ADH1C: variants seen among roughly 807,000 people sequenced by gnomAD.
ADH1C encodes alcohol dehydrogenase 1C.
In ADH1C, 26 loss-of-function variants were observed where a neutral mutation model predicts 35.0. The ratio of observed to expected loss-of-function variants is 0.74; its 90% CI spans 0.54 to 1.03. ADH1C has a LOEUF of 1.03. ADH1C is among the 50% of genes least tolerant of loss of function. The pLI is 0.00. For missense variants in ADH1C, 413 were observed against 465.4 expected, an observed-to-expected ratio of 0.89 and a Z score of 1.04; for synonymous variants, 170 against 169.3, an observed-to-expected ratio of 1.00 and a Z score of -0.03.
Position 99,350,496 on chromosome 4 carries a change from GT to G in ADH1C, c.18+2161del. Among the ~76,000 whole-genome samples the G allele has an allele frequency of 2.0e-5, 3 of 152,108 alleles. No homozygotes were observed. In the South Asian group the frequency reaches 6.2e-4, roughly 32 times the overall value. On this transcript the variant is annotated intron_variant, in intron 1 of 8. Transcript: ENST00000515683. ...TATAAGTGAGACCATATGGTATTTG[GT>G]TTTCCATTCCTGAGTTACTTCACTT...
At chr4:99,352,143 A>C (rs1392404894) in intron 1 of ADH1C, among the ~76,000 whole-genome samples, 4 of 152,162 alleles carry the variant, frequency 2.6e-5, no homozygotes, top group Non-Finnish European at 5.9e-5. Flanking sequence ...ATTTTGTAAG[A>C]TATTTTATAG....
chr4:99,339,772 GAGA>G (rs1368499019), intron 7 of ADH1C, 57 bp from the exon 8 acceptor site: 23 of 1,518,482 alleles, frequency 1.5e-5, no homozygotes, highest in Non-Finnish European at 2.0e-5. Flanking sequence ...GAGAATTGAA[GAGA>G]AGATTTTCCA....
intron 5 of ADH1C, 127 bp from the exon 6 acceptor site, chr4:99,343,182 A>T: frequency 5.1e-6 from 7 of 1,382,940 alleles, no homozygotes; most frequent in Non-Finnish European, 6.8e-6. Flanking sequence ...TCTGTTATCG[A>T]AACCTGTTTT....
rs777659521 is a variant in ADH1C, at chr4:99,340,555, T to C, written c.964+20A>G. 2 of 1,613,710 alleles carry C rather than the reference T, an allele frequency of 1.2e-6. No homozygotes were observed. Among genetic ancestry groups the C allele is most frequent in the Non-Finnish European group, 1.7e-6 (2 of 1,179,798 alleles). ...ATTCTTAGGTTAATGAGAATTTGGC[T>C]CTGAAGCCTAACTACATACCTCCAA... On this transcript the variant is annotated intron_variant, in intron 7 of 8. Transcript: ENST00000515683.
At chr4:99,347,608 C>G in intron 2 of ADH1C, 137 bp downstream of exon 2, 1 of 894,888 alleles carries the variant, frequency 1.1e-6, no homozygotes, top group Non-Finnish European at 1.6e-6. Context: ...TTTATACTTT[C>G]CTTGACAACA....
chr4:99,350,598 C>T (rs911483042), intron 1 of ADH1C, among the ~76,000 whole-genome samples: 5 of 152,198 alleles, frequency 3.3e-5, no homozygotes, highest in Non-Finnish European at 7.3e-5. Context: ...TGAGTAGTAT[C>T]TCATGGTGTA....
At chr4:99,342,716 A>G (rs1339738672) in intron 6 of ADH1C, 79 bp downstream of exon 6, 24 of 1,571,732 alleles carry the variant, frequency 1.5e-5, no homozygotes, top group South Asian at 3.5e-5. Flanking sequence ...TCCTTTATAC[A>G]TAATACGTAT....
At chr4:99,351,235 G>C (rs1317687471) in intron 1 of ADH1C, 1 of 152,110 alleles carries the variant, frequency 6.6e-6, no homozygotes, top group Non-Finnish European at 1.5e-5. Context: ...AATAACAGTG[G>C]CTAATATTTA....
chr4:99,349,371 T>A (rs1459942692), intron 1 of ADH1C, among the ~76,000 whole-genome samples: 1 of 152,146 alleles, frequency 6.6e-6, no homozygotes, highest in Admixed American at 6.5e-5. Flanking sequence ...CCAGCACCAT[T>A]TATTCTTTTG....
chr4:99,352,404 T>C (rs893990210), intron 1 of ADH1C, among the ~76,000 whole-genome samples: 14 of 152,140 alleles, frequency 9.2e-5, no homozygotes, highest in Non-Finnish European at 1.8e-4. Context: ...TAGATACAGA[T>C]TCTATATATT....
chr4:99,338,010 G>A (rs905466650), intron 8 of ADH1C, among the ~76,000 whole-genome samples: 1 of 151,710 alleles, frequency 6.6e-6, no homozygotes, highest in African/African-American at 2.4e-5. Context: ...TATTTCTATA[G>A]AATAGATTTC....
At position 99,336,577 on chromosome 4, in the gene ADH1C, C is replaced by T; in HGVS notation, c.*175G>A. On this transcript the variant is annotated 3_prime_UTR_variant, in exon 9 of 9. Transcript: ENST00000515683. Reference sequence around the variant, plus strand: ...ATTTAGTTCTCATTTGGATTTTAAACATTTGCTTGACAAATAATTTCCCAT... The same window carrying T: ...ATTTAGTTCTCATTTGGATTTTAAATATTTGCTTGACAAATAATTTCCCAT... The T allele has an allele frequency of 1.2e-6, 1 of 817,450 alleles. No homozygotes were observed. 50.6% of individuals were successfully genotyped at this position (817,450 alleles called of 1,614,324 possible).
chr4:99,343,085 TA>T, intron 5 of ADH1C, 30 bp from the exon 6 acceptor site: 1 of 1,604,904 alleles, frequency 6.2e-7, no homozygotes, highest in Non-Finnish European at 8.5e-7. Flanking sequence ...AAAAATGAAT[TA>T]AATAATGTTT....
intron 3 of ADH1C, among the ~76,000 whole-genome samples, 153 bp from the exon 4 acceptor site, chr4:99,345,419 C>A (rs1324691619): frequency 6.6e-6 from 1 of 152,142 alleles, no homozygotes; most frequent in African/African-American, 2.4e-5. Context: ...TCATTGCCTG[C>A]CAAGGCATTG....
intron 1 of ADH1C, among the ~76,000 whole-genome samples, chr4:99,352,205 TTG>T (rs1734693174): frequency 7.5e-6 from 1 of 132,764 alleles, no homozygotes; most frequent in African/African-American, 2.5e-5. Context: ...CATAAAAGTT[TTG>T]TCAGACTTCT....
At chr4:99,344,431 T>A (rs1734481775) in intron 5 of ADH1C, among the ~76,000 whole-genome samples, 3 of 152,310 alleles carry the variant, frequency 2.0e-5, no homozygotes, top group African/African-American at 7.2e-5. Flanking sequence ...CTACTGTTGA[T>A]CCTAATTCTG....
intron 7 of ADH1C, 147 bp downstream of exon 7, chr4:99,340,424 AAAAG>A: frequency 1.0e-6 from 1 of 998,496 alleles, no homozygotes; most frequent in Non-Finnish European, 1.5e-6. Context: ...CAAAAAATAA[AAAAG>A]AAAAGTTCTG....
chr4:99,339,535 T>C (rs756133463), intron 8 of ADH1C, 42 bp downstream of exon 8: 4 of 1,033,176 alleles, frequency 3.9e-6, no homozygotes, highest in Admixed American at 2.7e-5. Context: ...CCGCCGCTAC[T>C]GTAGAATACA....
intron 7 of ADH1C, 95 bp downstream of exon 7, chr4:99,340,480 A>C: frequency 7.2e-7 from 1 of 1,392,208 alleles, no homozygotes; most frequent in Middle Eastern, 1.9e-4. Context: ...ATTTATTTTT[A>C]ATTTCATTGC....
Sources: allele counts gnomAD v4.1 joint callset (sites outside exome capture counted in the v4.1 genomes callset), GRCh38; gene constraint gnomAD v4.1.1; transcripts MANE v1.5; gene names NCBI Gene and HGNC (gene_info 2026-07-23, HGNC 2026-07-21).